The following FNDC3B variants were observed in gnomAD, a reference collection of about 807,000 sequenced individuals.
The protein encoded by FNDC3B is fibronectin type III domain-containing protein 3B.
FNDC3B carries 12 observed loss-of-function variants against 151.5 expected under a neutral mutation model. The observed-to-expected ratio is 0.08, with a 90% confidence interval of 0.05 to 0.13. The LOEUF is 0.13. FNDC3B is among the 10% of genes least tolerant of loss of function. The probability of loss-of-function intolerance (pLI) is 1.00; values close to 1 mark genes in which losing one functional copy is unlikely to be tolerated. For synonymous variants in FNDC3B, 528 were observed against 549.0 expected (o/e 0.96, Z 0.54); for missense variants, 1,214 against 1,505.3 (o/e 0.81, Z 3.20).
chr3:172,043,781 TTTAAA>T (rs1454877289), intron 1 of FNDC3B, among the ~76,000 whole-genome samples: 1 of 152,194 alleles, frequency 6.6e-6, no homozygotes, highest in Non-Finnish European at 1.5e-5. Flanking sequence ...TGGAAAAATC[TTTAAA>T]TTGTATCTTT....
At chr3:172,240,209 C>T (rs558485294) in intron 4 of FNDC3B, among the ~76,000 whole-genome samples, 2 of 152,272 alleles carry the variant, frequency 1.3e-5, no homozygotes, top group East Asian at 1.9e-4. Context: ...TCCTCCTTTA[C>T]CCAGTTCCGT....
At chr3:172,365,059 C>A (rs1045067908) in intron 23 of FNDC3B, among the ~76,000 whole-genome samples, 1 of 152,170 alleles carries the variant, frequency 6.6e-6, no homozygotes, top group Non-Finnish European at 1.5e-5. Context: ...TGAAACTGAA[C>A]TCTTGTAGTG....
rs532267205 is a variant in FNDC3B at position 172,400,825 on chromosome 3, C to T, written c.*3350C>T. 1.3e-5 allele frequency: 2 copies of T among 149,704 alleles called. No homozygotes were observed. The highest frequency in any genetic ancestry group is 3.0e-5 in the Non-Finnish European group (2 of 67,728). The allele number at this position is 149,704 out of a possible 1,614,324, so 9.3% of individuals were successfully genotyped here. The stretch of plus-strand genomic sequence containing the variant: ...AGGCTGGAGTGCAGTGGCGCGATCT[C>T]AGCTCACTGCAACCTCCAGCTCCCA... On this transcript the variant is annotated 3_prime_UTR_variant, in exon 26 of 26. Transcript: ENST00000415807.
At chr3:172,090,406 C>G (rs953030042) in intron 1 of FNDC3B, among the ~76,000 whole-genome samples, 1 of 148,122 alleles carries the variant, frequency 6.8e-6, no homozygotes, top group Non-Finnish European at 1.5e-5. Context: ...GAGAGGAAAC[C>G]TAGGGCTGTG....
rs756813509 is a variant in FNDC3B, at chr3:172,330,690, C to A, written c.1529C>A (p.Thr510Asn). Residue 510 changes from threonine (T) to asparagine (N), a missense_variant, in exon 13 of 26, where the codon ACC becomes AAC. Around this residue, in one of 7 missense-constraint regions of FNDC3B, gnomAD observed 111 missense variants for 96.8 expected, o/e 1.15. Coordinates refer to ENST00000415807, the MANE Select transcript of FNDC3B (RefSeq NM_022763.4). ...GCSPEEVITY[T>N]LEIQEDENDN... ...TCACCCGAGGAAGTGATCACCTACA[C>A]CTTGGAAATTCAGGAGGATGAAAAT... The A allele has an allele frequency of 2.2e-5, 36 of 1,613,334 alleles. No individual in the cohort carries two copies. The South Asian group carries it at 4.0e-4, about 18-fold the overall frequency.
chr3:172,223,858 G>A (rs1046418327), intron 3 of FNDC3B, among the ~76,000 whole-genome samples: 3 of 152,236 alleles, frequency 2.0e-5, no homozygotes, highest in African/African-American at 7.2e-5. Context: ...ATGATAACTA[G>A]TAACATTTTG....
At chr3:172,348,766 A>G (rs1040443872) in intron 21 of FNDC3B, among the ~76,000 whole-genome samples, 1 of 152,218 alleles carries the variant, frequency 6.6e-6, no homozygotes, top group African/African-American at 2.4e-5. Flanking sequence ...AGGAGTAGAA[A>G]TATATTTTCA....
rs571036812 is a variant in FNDC3B at position 172,254,757 on chromosome 3, T to C, written c.790+3216T>C. Among the ~76,000 whole-genome samples, 9 of 152,270 alleles carry C rather than the reference T, an allele frequency of 5.9e-5. No individual in the cohort carries two copies. The East Asian group carries it at 1.3e-3, about 23-fold the overall frequency. Reference sequence around the variant, plus strand: ...GGCCCATAGTACACTCTGAGAAATATGGGATCTCTGTCTTCTTGCACTCCC... The same window carrying C: ...GGCCCATAGTACACTCTGAGAAATACGGGATCTCTGTCTTCTTGCACTCCC... On this transcript the variant is annotated intron_variant, in intron 6 of 25. Coordinates refer to ENST00000415807, the MANE Select transcript of FNDC3B (RefSeq NM_022763.4).
intron 3 of FNDC3B, among the ~76,000 whole-genome samples, chr3:172,143,858 G>A (rs1053410576): frequency 6.6e-6 from 1 of 151,940 alleles, no homozygotes; most frequent in Non-Finnish European, 1.5e-5. Context: ...GCAGTGAGCC[G>A]AGATCGTGCC....
At chr3:172,230,338 CAAA>C (rs35470086) in intron 4 of FNDC3B, among the ~76,000 whole-genome samples, 1 of 130,182 alleles carries the variant, frequency 7.7e-6, no homozygotes. Context: ...ACTAAAAATA[CAAA>C]AAAAAAAAAA....
chr3:172,097,274 A>C (rs1719138305), intron 1 of FNDC3B, among the ~76,000 whole-genome samples: 1 of 152,204 alleles, frequency 6.6e-6, no homozygotes, highest in Non-Finnish European at 1.5e-5. Flanking sequence ...GCCTAATCTA[A>C]GGATTACTCA....
intron 6 of FNDC3B, among the ~76,000 whole-genome samples, chr3:172,283,648 A>G (rs1178731138): frequency 6.6e-6 from 1 of 152,238 alleles, no homozygotes; most frequent in Non-Finnish European, 1.5e-5. Context: ...GGTCCTTCAA[A>G]TTCTACAATA....
At chr3:172,113,906 A>C (rs887254440) in intron 2 of FNDC3B, among the ~76,000 whole-genome samples, 1 of 151,902 alleles carries the variant, frequency 6.6e-6, no homozygotes, top group African/African-American at 2.4e-5. Flanking sequence ...TTATCTCAGG[A>C]GTGTGTGCTG....
intron 17 of FNDC3B, among the ~76,000 whole-genome samples, chr3:172,342,730 T>C (rs564884984): frequency 8.5e-5 from 13 of 152,340 alleles, no homozygotes; most frequent in African/African-American, 3.1e-4. Flanking sequence ...AATTGTGTGC[T>C]TAGGATATAC....
chr3:172,113,062 A>G (rs1213924049), intron 2 of FNDC3B, among the ~76,000 whole-genome samples: 1 of 152,092 alleles, frequency 6.6e-6, no homozygotes, highest in Non-Finnish European at 1.5e-5. Flanking sequence ...TTTTCTCTGA[A>G]TCTCCTTTGT....
chr3:172,348,713 T>G (rs1233945103), intron 21 of FNDC3B, among the ~76,000 whole-genome samples: 1 of 152,204 alleles, frequency 6.6e-6, no homozygotes, highest in East Asian at 1.9e-4. Context: ...AAAGATACAT[T>G]AATAAGAATA....
intron 23 of FNDC3B, among the ~76,000 whole-genome samples, chr3:172,375,004 G>A (rs539179465): frequency 8.5e-5 from 1 of 11,776 alleles, no homozygotes; most frequent in Non-Finnish European, 3.0e-4. Context: ...GATTTTCATA[G>A]TATAAAAATT....
intron 1 of FNDC3B, among the ~76,000 whole-genome samples, chr3:172,086,621 TC>T (rs1718559420): frequency 6.6e-6 from 1 of 152,358 alleles, no homozygotes. Context: ...TAATAACATT[TC>T]TTATTTTCAT....
At chr3:172,382,629 T>G (rs553157422) in intron 25 of FNDC3B, among the ~76,000 whole-genome samples, 2 of 152,346 alleles carry the variant, frequency 1.3e-5, no homozygotes, top group South Asian at 4.1e-4. Flanking sequence ...TAATCCATCT[T>G]GAGTTAATTT....
Sources: allele counts gnomAD v4.1 joint callset (sites outside exome capture counted in the v4.1 genomes callset), GRCh38; gene constraint gnomAD v4.1.1; regional missense constraint gnomAD v4.1.1; transcripts MANE v1.5; gene names NCBI Gene and HGNC (gene_info 2026-07-23, HGNC 2026-07-21).